FBXO48: variants seen among roughly 807,000 people sequenced by gnomAD.
FBXO48 encodes F-box only protein 48.
In FBXO48, 12 loss-of-function variants were observed where a neutral mutation model predicts 14.3. The ratio of observed to expected loss-of-function variants is 0.84; its 90% CI spans 0.54 to 1.36. The LOEUF (loss-of-function observed/expected upper bound fraction) is 1.36, where lower values mean the gene tolerates loss of function less well. Among genes scored for constraint, FBXO48 ranks in the 40% most tolerant of loss-of-function variants. The pLI, the probability that FBXO48 is intolerant of heterozygous loss-of-function variation, is 0.00. For missense variants in FBXO48, 177 were observed against 179.1 expected, an observed-to-expected ratio of 0.99 and a Z score of 0.07; for synonymous variants, 53 against 61.7, an observed-to-expected ratio of 0.86 and a Z score of 0.66.
rs576628390 is a variant in FBXO48, at chr2:68,461,737, T to A, written c.*2472A>T. ...ACGGAGGCTGGGAAAAACAGGATAA[T>A]GTAAAAAAAAAAAAACAAGAAAACA... On this transcript the variant is annotated 3_prime_UTR_variant, in exon 4 of 4. Transcript: ENST00000377957. 4.8e-5 allele frequency: 7 copies of A among 146,252 alleles called. No individual in the cohort carries two copies. Among genetic ancestry groups the A allele is most frequent in the African/African-American group, 1.3e-4 (5 of 38,856 alleles). 9.1% of individuals were successfully genotyped at this position (146,252 alleles called of 1,614,324 possible).
At position 68,462,358 on chromosome 2, in the gene FBXO48, TTTC is replaced by T. The variant is rs1355908231; in HGVS notation, c.*1848_*1850del. On this transcript the variant is annotated 3_prime_UTR_variant, in exon 4 of 4. Coordinates refer to ENST00000377957, the MANE Select transcript of FBXO48 (RefSeq NM_001024680.3). The stretch of plus-strand genomic sequence containing the variant: ...AAATAAAATTAGTAGGATACCTTTC[TTTC>T]TTCCTTTTTTTTTGAGACGAAGTTT... 2.6e-5 allele frequency: 4 copies of T among 152,054 alleles called. No homozygotes were observed. The highest frequency in any genetic ancestry group is 2.6e-4 in the Admixed American group (4 of 15,282). The allele number at this position is 152,054 out of a possible 1,614,324, so 9.4% of individuals were successfully genotyped here. A position where few individuals can be genotyped will look rare whatever the true frequency, so the allele number is the denominator to read the frequency against.
intron 3 of FBXO48, 65 bp from the exon 4 acceptor site, chr2:68,464,435 A>T: frequency 7.1e-7 from 1 of 1,417,812 alleles, no homozygotes; most frequent in Non-Finnish European, 9.9e-7. Context: ...ATGTGTTTAA[A>T]GCAAGAGAAG....
In FBXO48 at chr2:68,461,149, C is replaced by T. The variant is rs1675251703; in HGVS notation, c.*3060G>A. On this transcript the variant is annotated 3_prime_UTR_variant, in exon 4 of 4. Transcript: ENST00000377957. ...TGGGGGTCCCAGTATGATGGTGAAACTCAATTTGAATTAATTTAGGTAAGC... is the reference window on the plus strand; with the variant it reads ...TGGGGGTCCCAGTATGATGGTGAAATTCAATTTGAATTAATTTAGGTAAGC... 1 of 152,138 alleles carries T rather than the reference C, an allele frequency of 6.6e-6. No homozygotes were observed. The highest frequency in any genetic ancestry group is 6.5e-5 in the Admixed American group (1 of 15,280). 9.4% of individuals were successfully genotyped at this position (152,138 alleles called of 1,614,324 possible).
rs1305784045 is a variant in FBXO48, at chr2:68,464,292, G to A, written c.385C>T (p.Pro129Ser). 2 of 1,613,626 alleles carry A rather than the reference G, an allele frequency of 1.2e-6. No individual in the cohort carries two copies. The highest frequency in any genetic ancestry group is 1.7e-6 in the Non-Finnish European group (2 of 1,179,836). Residue 129 changes from proline to serine, a missense_variant, in exon 4 of 4, where the codon CCC becomes TCC. Transcript: ENST00000377957. ...ATGATTTTTTCTGGTAGGCTAATGGGAGAACAAATGTTGCTGTATCTGCCA... is the reference window on the plus strand; with the variant it reads ...ATGATTTTTTCTGGTAGGCTAATGGAAGAACAAATGTTGCTGTATCTGCCA... Reference protein sequence around the residue: ...LSGRYSNICSPISLPEKIMYP... With the variant: ...LSGRYSNICSSISLPEKIMYP...
intron 2 of FBXO48, among the ~76,000 whole-genome samples, chr2:68,465,379 C>T (rs1172843199): frequency 1.3e-5 from 2 of 152,146 alleles, no homozygotes; most frequent in African/African-American, 4.8e-5. Flanking sequence ...AGTCTTGCTA[C>T]ATCTGAATTG....
chr2:68,461,796 TA>T lies in FBXO48; in HGVS notation c.*2412del, dbSNP rs1675271819. ...AGCTGGGTGCGGTGGCTCATGCCTATAATCCCAGCACTTTAGGAGGCTGAGG... is the reference window on the plus strand; with the variant it reads ...AGCTGGGTGCGGTGGCTCATGCCTATATCCCAGCACTTTAGGAGGCTGAGG... On this transcript the variant is annotated 3_prime_UTR_variant, in exon 4 of 4. Coordinates refer to ENST00000377957, the MANE Select transcript of FBXO48 (RefSeq NM_001024680.3). The T allele has an allele frequency of 6.7e-6, 1 of 149,676 alleles. No homozygotes were observed. Among genetic ancestry groups the T allele is most frequent in the Non-Finnish European group, 1.5e-5 (1 of 67,692 alleles). 9.3% of individuals were successfully genotyped at this position (149,676 alleles called of 1,614,324 possible). A position where few individuals can be genotyped will look rare whatever the true frequency, so the allele number is the denominator to read the frequency against.
At position 68,463,200 on chromosome 2, in the gene FBXO48, C is replaced by A. The variant is rs1475510650; in HGVS notation, c.*1009G>T. On this transcript the variant is annotated 3_prime_UTR_variant, in exon 4 of 4. Transcript: ENST00000377957. ...TAGAGAACAGTTTTTAAGAAGAAAACCCCACACTAACTAAAGCAGTTTGTA... is the reference window on the plus strand; with the variant it reads ...TAGAGAACAGTTTTTAAGAAGAAAAACCCACACTAACTAAAGCAGTTTGTA... The A allele has an allele frequency of 6.6e-6, 1 of 152,036 alleles. No homozygotes were observed. The highest frequency in any genetic ancestry group is 6.6e-5 in the Admixed American group (1 of 15,266). The allele number at this position is 152,036 out of a possible 1,614,324, so 9.4% of individuals were successfully genotyped here. A position where few individuals can be genotyped will look rare whatever the true frequency, so the allele number is the denominator to read the frequency against.
chr2:68,466,977 C>G, intron 1 of FBXO48, among the ~76,000 whole-genome samples: 1 of 152,152 alleles, frequency 6.6e-6, no homozygotes. Flanking sequence ...CGTCCAAATC[C>G]CGCGGGTCAG....
In FBXO48 at chr2:68,463,121, A is replaced by C. The variant is rs569846666; in HGVS notation, c.*1088T>G. 2.0e-5 allele frequency: 3 copies of C among 152,318 alleles called. No homozygotes were observed. The highest frequency in any genetic ancestry group is 7.2e-5 in the African/African-American group (3 of 41,562). The allele number at this position is 152,318 out of a possible 1,614,324, so 9.4% of individuals were successfully genotyped here. Reference sequence around the variant, plus strand: ...TTTGCATATAGTGGGGCATCTTTCTAATATTTGCCTATTTGTTAAATATTG... The same window carrying C: ...TTTGCATATAGTGGGGCATCTTTCTCATATTTGCCTATTTGTTAAATATTG... On this transcript the variant is annotated 3_prime_UTR_variant, in exon 4 of 4. Transcript: ENST00000377957.
At chr2:68,465,523 AAAAAAAAAAAAAAG>A (rs1279270160) in intron 2 of FBXO48, among the ~76,000 whole-genome samples, 2 of 138,486 alleles carry the variant, frequency 1.4e-5, no homozygotes, top group Admixed American at 7.2e-5. Context: ...GCCCCTCTTT[AAAAAAAAAAAAAAG>A]AAAAAAAAAA....
rs1236619760 is a variant in FBXO48, at chr2:68,459,868, C to T, written c.*4341G>A. ...AAGAACATCTAAAAAGTCACTTAATCCAGAACAGTAGAAGTTATGGATTGT... is the reference window on the plus strand; with the variant it reads ...AAGAACATCTAAAAAGTCACTTAATTCAGAACAGTAGAAGTTATGGATTGT... On this transcript the variant is annotated 3_prime_UTR_variant, in exon 4 of 4. Coordinates refer to ENST00000377957, the MANE Select transcript of FBXO48 (RefSeq NM_001024680.3). 6.6e-6 allele frequency: 1 copy of T among 152,054 alleles called. No homozygotes were observed. The highest frequency in any genetic ancestry group is 2.4e-5 in the African/African-American group (1 of 41,388). 9.4% of individuals were successfully genotyped at this position (152,054 alleles called of 1,614,324 possible).
chr2:68,466,350 C>G lies in FBXO48; in HGVS notation c.-240G>C, dbSNP rs890443370. On this transcript the variant is annotated 5_prime_UTR_variant, in exon 2 of 4. Transcript: ENST00000377957. ...TCTTTTAACTCAGCTGAACACAAAT[C>G]TCTTTTCTAGACGAGCTACTCAGCT... 6.6e-6 allele frequency: 1 copy of G among 152,178 alleles called. No homozygotes were observed. The highest frequency in any genetic ancestry group is 1.5e-5 in the Non-Finnish European group (1 of 68,034). The allele number at this position is 152,178 out of a possible 1,614,324, so 9.4% of individuals were successfully genotyped here.
At position 68,465,168 on chromosome 2, in the gene FBXO48, T is replaced by A; in HGVS notation, c.-23A>T. 1 of 1,545,946 alleles carries A rather than the reference T, an allele frequency of 6.5e-7. No homozygotes were observed. Among genetic ancestry groups the A allele is most frequent in the Non-Finnish European group, 8.8e-7 (1 of 1,141,976 alleles). Reference sequence around the variant, plus strand: ...CATAGCTTAATGTTTTAAGTTATCCTCATATGTAACCTAAAAGGCAAAATT... The same window carrying A: ...CATAGCTTAATGTTTTAAGTTATCCACATATGTAACCTAAAAGGCAAAATT... On this transcript the variant is annotated 5_prime_UTR_variant, in exon 3 of 4. Transcript: ENST00000377957.
intron 2 of FBXO48, among the ~76,000 whole-genome samples, chr2:68,465,565 CT>C (rs1675385347): frequency 6.8e-6 from 1 of 147,068 alleles, no homozygotes; most frequent in Non-Finnish European, 1.5e-5. Flanking sequence ...AAACCAAAAA[CT>C]GTTTTACGGA....
rs558439662 is a variant in FBXO48 at position 68,460,106 on chromosome 2, G to A, written c.*4103C>T. ...GGTAGGCCAGACCACATCATTAAAG[G>A]CCCTATGGGCTTTAGTGGGGAATTT... is the stretch of plus-strand genomic sequence containing the variant. On this transcript the variant is annotated 3_prime_UTR_variant, in exon 4 of 4. Coordinates refer to ENST00000377957, the MANE Select transcript of FBXO48 (RefSeq NM_001024680.3). 3 of 152,326 alleles carry A rather than the reference G, an allele frequency of 2.0e-5. No homozygotes were observed. Among genetic ancestry groups the A allele is most frequent in the African/African-American group, 7.2e-5 (3 of 41,572 alleles). The allele number at this position is 152,326 out of a possible 1,614,324, so 9.4% of individuals were successfully genotyped here. A position where few individuals can be genotyped will look rare whatever the true frequency, so the allele number is the denominator to read the frequency against.
intron 2 of FBXO48, among the ~76,000 whole-genome samples, 194 bp downstream of exon 2, chr2:68,465,950 T>G (rs1675398473): frequency 6.6e-6 from 1 of 152,198 alleles, no homozygotes; most frequent in Admixed American, 6.5e-5. Context: ...AATATTCAAC[T>G]CAGTCATAAG....
In FBXO48 at chr2:68,464,113, C is replaced by G. The variant is rs987983037; in HGVS notation, c.*96G>C. 1.1e-5 allele frequency: 12 copies of G among 1,081,416 alleles called. No homozygotes were observed. In the African/African-American group the frequency reaches 1.7e-4, roughly 15 times the overall value. The allele number at this position is 1,081,416 out of a possible 1,614,324, so 67.0% of individuals were successfully genotyped here. A position where few individuals can be genotyped will look rare whatever the true frequency, so the allele number is the denominator to read the frequency against. On this transcript the variant is annotated 3_prime_UTR_variant, in exon 4 of 4. Coordinates refer to ENST00000377957, the MANE Select transcript of FBXO48 (RefSeq NM_001024680.3). Reference sequence around the variant, plus strand: ...TTTCATTTTCTTTTAAAAAGGTGAACAACAAAATGAACGAATAAAGATATC... The same window carrying G: ...TTTCATTTTCTTTTAAAAAGGTGAAGAACAAAATGAACGAATAAAGATATC...
Position 68,463,985 on chromosome 2 carries a change from T to C in FBXO48, c.*224A>G, listed in dbSNP as rs1420015518. On this transcript the variant is annotated 3_prime_UTR_variant, in exon 4 of 4. Coordinates refer to ENST00000377957, the MANE Select transcript of FBXO48 (RefSeq NM_001024680.3). ...AATCACTCTATCAGTATATTATTTC[T>C]TATAAAAATAACATTTCATGATTTT... The C allele has an allele frequency of 2.3e-6, 1 of 438,676 alleles. No individual in the cohort carries two copies. Among genetic ancestry groups the C allele is most frequent in the East Asian group, 3.9e-5 (1 of 25,820 alleles). 27.2% of individuals were successfully genotyped at this position (438,676 alleles called of 1,614,324 possible). A position where few individuals can be genotyped will look rare whatever the true frequency, so the allele number is the denominator to read the frequency against.
In FBXO48 at chr2:68,464,954, G is replaced by A. The variant is rs1319152977; in HGVS notation, c.192C>T (p.Ser64=). The change falls in exon 3 of 4, where the codon AGC becomes AGT. Residue 64 remains serine (S), a synonymous_variant. Transcript: ENST00000377957. ...CACTGTTTCTTATTGTGTCATTCCA[G>A]CTCCTGCATGTCAATGAAGCCCTGC... ...SLCRASLTCR[S]WNDTIRNSDS... 2 of 1,613,848 alleles carry A rather than the reference G, an allele frequency of 1.2e-6. No individual in the cohort carries two copies. Among genetic ancestry groups the A allele is most frequent in the South Asian group, 1.1e-5 (1 of 91,074 alleles).
Sources: allele counts gnomAD v4.1 joint callset (sites outside exome capture counted in the v4.1 genomes callset), GRCh38; gene constraint gnomAD v4.1.1; transcripts MANE v1.5; gene names NCBI Gene and HGNC (gene_info 2026-07-23, HGNC 2026-07-21).